Variants in SMC3 observed in about 807,000 individuals in gnomAD.
The protein encoded by SMC3 is structural maintenance of chromosomes 3.
In SMC3, 20 loss-of-function variants were observed where a neutral mutation model predicts 171.8. That is an observed-to-expected ratio of 0.12 (90% confidence interval 0.08 to 0.17). SMC3 has a LOEUF of 0.17. SMC3 is among the 10% of genes least tolerant of loss of function. SMC3 has a pLI of 1.00. For missense variants in SMC3, 543 were observed against 1,420.4 expected (o/e 0.38, Z 9.93); for synonymous variants, 464 against 451.1 (o/e 1.03, Z -0.36).
intron 10 of SMC3, 80 bp from the exon 11 acceptor site, chr10:110,583,304 A>G: frequency 8.9e-7 from 1 of 1,125,482 alleles, no homozygotes; most frequent in Non-Finnish European, 1.3e-6. Flanking sequence ...CTAAACATTA[A>G]GTGAAAGAGA....
intron 18 of SMC3, among the ~76,000 whole-genome samples, chr10:110,594,355 A>G (rs892815794): frequency 5.9e-5 from 9 of 151,974 alleles, no homozygotes; most frequent in Non-Finnish European, 1.3e-4. Context: ...TGTATTCAAA[A>G]AACAAGATAG....
At chr10:110,600,288 T>A (rs117234387) in intron 21 of SMC3, 151 bp from the exon 22 acceptor site, 6,400 of 597,334 alleles carry the variant, frequency 0.011, 102 homozygotes, top group Admixed American at 0.052. Context: ...AAGAGAAAAA[T>A]GAAGAAAGTA....
At chr10:110,582,213 C>T (rs1861042071) in intron 9 of SMC3, 115 bp downstream of exon 9, 3 of 980,358 alleles carry the variant, frequency 3.1e-6, no homozygotes, top group East Asian at 2.5e-5. Flanking sequence ...TAAAAAAAAC[C>T]TCTCAATGAA....
At chr10:110,573,382 T>C (rs950973572) in intron 2 of SMC3, among the ~76,000 whole-genome samples, 6 of 151,512 alleles carry the variant, frequency 4.0e-5, no homozygotes, top group Admixed American at 2.0e-4. Context: ...ATAGTTAAAA[T>C]AGAATTATAT....
intron 23 of SMC3, 83 bp from the exon 24 acceptor site, chr10:110,601,554 G>C (rs1590570709): frequency 9.8e-6 from 14 of 1,422,472 alleles, no homozygotes; most frequent in African/African-American, 7.1e-5. Flanking sequence ...TATTTTGGTA[G>C]GTTTGATCAT....
intron 7 of SMC3, among the ~76,000 whole-genome samples, chr10:110,579,741 G>T (rs3829193): frequency 0.23 from 35,085 of 152,024 alleles, 4,807 homozygotes; most frequent in African/African-American, 0.38. Flanking sequence ...TTTAAGTGAG[G>T]AAATTGCATG....
rs78070486 is a variant in SMC3 at position 110,588,730 on chromosome 10, T to C, written c.1306-875T>C. The stretch of plus-strand genomic sequence containing the variant: ...GCTATTGGATTTTTTCAGCTCAGTA[T>C]AGTCTACTAAATTAATGAATACAGT... On this transcript the variant is annotated intron_variant, in intron 13 of 28. Coordinates refer to ENST00000361804, the MANE Select transcript of SMC3 (RefSeq NM_005445.4). Among the ~76,000 whole-genome samples, 26 of 152,324 alleles carry C rather than the reference T, an allele frequency of 1.7e-4. No individual in the cohort carries two copies. The East Asian group carries it at 4.8e-3, about 28-fold the overall frequency.
In SMC3 at chr10:110,584,413, C is replaced by G. The variant is rs766647166; in HGVS notation, c.1305+17C>G. The G allele has an allele frequency of 6.4e-7, 1 of 1,557,390 alleles. No individual in the cohort carries two copies. On this transcript the variant is annotated intron_variant, in intron 13 of 28. Coordinates refer to ENST00000361804, the MANE Select transcript of SMC3 (RefSeq NM_005445.4). ...CAGTATAATGTAAGAACTTCTATAGCTGCTTTGTAAAAATCTTTCAGAAGA... is the reference window on the plus strand; with the variant it reads ...CAGTATAATGTAAGAACTTCTATAGGTGCTTTGTAAAAATCTTTCAGAAGA...
At chr10:110,600,813 A>G (rs537267730) in intron 22 of SMC3, among the ~76,000 whole-genome samples, 3 of 152,084 alleles carry the variant, frequency 2.0e-5, no homozygotes, top group Non-Finnish European at 4.4e-5. Flanking sequence ...TACTTTGTTA[A>G]TATTTTTTCA....
chr10:110,569,153 G>T, intron 2 of SMC3, 140 bp downstream of exon 2: 1 of 686,524 alleles, frequency 1.5e-6, no homozygotes, highest in East Asian at 2.7e-5. Context: ...TAACTTTTCT[G>T]TCTTATTGCA....
At position 110,584,174 on chromosome 10, in the gene SMC3, T is replaced by C. The variant is rs1861073888; in HGVS notation, c.1092-9T>C. ...TCCTTTTCATCCCATTTGCTTCTATTTTGTGTAGATTGGCTCAAGCTACCC... is the reference window on the plus strand; with the variant it reads ...TCCTTTTCATCCCATTTGCTTCTATCTTGTGTAGATTGGCTCAAGCTACCC... On this transcript the variant is annotated splice_polypyrimidine_tract_variant and intron_variant, in intron 12 of 28. Transcript: ENST00000361804. 3 of 1,613,396 alleles carry C rather than the reference T, an allele frequency of 1.9e-6. No homozygotes were observed. The East Asian group carries it at 6.7e-5, about 36-fold the overall frequency.
At position 110,582,114 on chromosome 10, in the gene SMC3, G is replaced by A; in HGVS notation, c.723+16G>A. The A allele has an allele frequency of 6.3e-7, 1 of 1,589,776 alleles. No individual in the cohort carries two copies. Among genetic ancestry groups the A allele is most frequent in the Non-Finnish European group, 8.6e-7 (1 of 1,158,026 alleles). ...ACTTGATGAGGTAAAATATTTACCT[G>A]TGACACTTAAAATCAGATTAATTTT... On this transcript the variant is annotated intron_variant, in intron 9 of 28. Coordinates refer to ENST00000361804, the MANE Select transcript of SMC3 (RefSeq NM_005445.4).
At position 110,602,892 on chromosome 10, in the gene SMC3, T is replaced by C; in HGVS notation, c.3365T>C (p.Leu1122Ser). ...MQQLSGGQKS[L>S]VALALIFAIQ... is the part of the protein sequence containing the mutation. ...CAGCTTTCAGGTGGACAGAAATCCT[T>C]GGTAGCCCTTGCTCTGATTTTTGCC... The change falls in exon 27 of 29, where the codon TTG becomes TCG. Residue 1122 changes from leucine (L) to serine (S), a missense_variant. By Grantham distance (145) the Leu-to-Ser change is moderately radical (BLOSUM62 -2). Around this residue, in one of 8 missense-constraint regions of SMC3, gnomAD observed 31 missense variants for 150.9 expected, o/e 0.21. Coordinates refer to ENST00000361804, the MANE Select transcript of SMC3 (RefSeq NM_005445.4). The C allele has an allele frequency of 1.2e-6, 2 of 1,613,944 alleles. No individual in the cohort carries two copies. The highest frequency in any genetic ancestry group is 1.7e-6 in the Non-Finnish European group (2 of 1,179,836).
chr10:110,595,360 T>G (rs1861282415), intron 18 of SMC3, among the ~76,000 whole-genome samples: 1 of 152,182 alleles, frequency 6.6e-6, no homozygotes, highest in Admixed American at 6.5e-5. Flanking sequence ...TTTTCTGGAT[T>G]TGTCTTATTG....
intron 19 of SMC3, 93 bp downstream of exon 19, chr10:110,596,643 A>G (rs1197238997): frequency 8.1e-7 from 1 of 1,231,262 alleles, no homozygotes; most frequent in East Asian, 2.5e-5. Context: ...TCACATATTA[A>G]AAATTTCTTG....
chr10:110,592,039 G>A (rs780022143), intron 17 of SMC3, among the ~76,000 whole-genome samples: 1 of 152,042 alleles, frequency 6.6e-6, no homozygotes, highest in Non-Finnish European at 1.5e-5. Context: ...GGAGGTGGGC[G>A]GATCACCTGA....
chr10:110,582,789 T>G, intron 10 of SMC3, 147 bp downstream of exon 10: 1 of 686,164 alleles, frequency 1.5e-6, no homozygotes, highest in South Asian at 1.6e-5. Flanking sequence ...TTGCCGCAGC[T>G]TCCTGAATAG....
chr10:110,569,427 T>C (rs1020954371), intron 2 of SMC3, among the ~76,000 whole-genome samples: 13 of 152,038 alleles, frequency 8.6e-5, no homozygotes, highest in African/African-American at 4.8e-5. Context: ...TGTAGCTAGA[T>C]TGGAAGAGCA....
rs3814681 is a variant in SMC3 at position 110,568,465 on chromosome 10, C to T, written c.16-473C>T. The T allele has an allele frequency of 2.0e-3, 357 of 180,876 alleles. 2 individuals carry two copies. The highest frequency in any genetic ancestry group is 0.015 in the Admixed American group (260 of 17,700). The allele number at this position is 180,876 out of a possible 1,614,324, so 11.2% of individuals were successfully genotyped here. On this transcript the variant is annotated intron_variant, in intron 1 of 28. Coordinates refer to ENST00000361804, the MANE Select transcript of SMC3 (RefSeq NM_005445.4). ...CACAAAGATGAGCCCAGGCACACGG[C>T]CTTGGAGACGGTTTTCTGTTGGGTC...
Sources: allele counts gnomAD v4.1 joint callset (sites outside exome capture counted in the v4.1 genomes callset), GRCh38; gene constraint gnomAD v4.1.1; regional missense constraint gnomAD v4.1.1; transcripts MANE v1.5; gene names NCBI Gene and HGNC (gene_info 2026-07-23, HGNC 2026-07-21).